ERBB4: variants seen among roughly 807,000 people sequenced by gnomAD.
The protein encoded by ERBB4 is erb-b2 receptor tyrosine kinase 4.
A neutral mutation model predicts 158.0 loss-of-function variants in ERBB4; 42 were observed. That is an observed-to-expected ratio of 0.27 (90% confidence interval 0.21 to 0.34). ERBB4 has a LOEUF of 0.34. Among genes scored for constraint, ERBB4 ranks in the 10% least tolerant of loss-of-function variants. The pLI, the probability that ERBB4 is intolerant of heterozygous loss-of-function variation, is 1.00. For missense variants in ERBB4, 1,333 were observed against 1,624.1 expected (o/e 0.82, Z 3.08); for synonymous variants, 583 against 558.7 (o/e 1.04, Z -0.61).
chr2:211,958,343 T>G (rs1196693255), intron 2 of ERBB4, among the ~76,000 whole-genome samples: 1 of 152,116 alleles, frequency 6.6e-6, no homozygotes, highest in Non-Finnish European at 1.5e-5. Flanking sequence ...GCCATGGACT[T>G]GTAGACAAGA....
intron 2 of ERBB4, among the ~76,000 whole-genome samples, chr2:211,948,815 C>T (rs2080785611): frequency 6.6e-6 from 1 of 152,056 alleles, no homozygotes; most frequent in South Asian, 2.1e-4. Flanking sequence ...CCTTGGTGAT[C>T]TTATTCAGTT....
chr2:211,479,678 A>G (rs888311581), intron 20 of ERBB4, among the ~76,000 whole-genome samples: 2 of 152,182 alleles, frequency 1.3e-5, no homozygotes, highest in Non-Finnish European at 2.9e-5. Context: ...CTTTTGGTGC[A>G]AAGCTTGGTT....
chr2:212,208,711 A>T (rs2082840685), intron 1 of ERBB4, among the ~76,000 whole-genome samples: 1 of 152,160 alleles, frequency 6.6e-6, no homozygotes, highest in Non-Finnish European at 1.5e-5. Context: ...GGCAAGGAGA[A>T]ACTGCCAAAG....
At chr2:211,619,039 T>A (rs2069494893) in intron 19 of ERBB4, 138 bp downstream of exon 19, 1 of 648,602 alleles carries the variant, frequency 1.5e-6, no homozygotes, top group East Asian at 2.7e-5. Flanking sequence ...GTCTTAGAAA[T>A]GTCTTTAATT....
At chr2:211,832,577 T>TATATATATATACACATAAAC (rs2077245897) in intron 3 of ERBB4, among the ~76,000 whole-genome samples, 1 of 151,026 alleles carries the variant, frequency 6.6e-6, no homozygotes, top group East Asian at 1.9e-4. Flanking sequence ...TATGTGTGTG[T>TATATATATATACACATAAAC]GTATATATAT....
intron 16 of ERBB4, among the ~76,000 whole-genome samples, chr2:211,657,000 A>G (rs1296905073): frequency 6.6e-6 from 1 of 152,146 alleles, no homozygotes; most frequent in African/African-American, 2.4e-5. Flanking sequence ...TGCACAAAAT[A>G]TTTTCTATAT....
chr2:211,411,988 G>T (rs929293521), intron 25 of ERBB4, among the ~76,000 whole-genome samples: 3 of 152,032 alleles, frequency 2.0e-5, no homozygotes, highest in South Asian at 4.1e-4. Flanking sequence ...ATTGGATCTC[G>T]ATTAGAGTAA....
intron 8 of ERBB4, among the ~76,000 whole-genome samples, chr2:211,712,512 T>C (rs1004420726): frequency 2.0e-5 from 3 of 152,138 alleles, no homozygotes; most frequent in Non-Finnish European, 4.4e-5. Flanking sequence ...AAATTATCTA[T>C]TTTCTACTTT....
At chr2:212,517,136 AAG>A (rs1324132580) in intron 1 of ERBB4, among the ~76,000 whole-genome samples, 2 of 152,132 alleles carry the variant, frequency 1.3e-5, no homozygotes. Flanking sequence ...TTCATTGAGA[AAG>A]AATTTAAAGG....
chr2:212,021,691 G>C (rs1210702856), intron 2 of ERBB4, among the ~76,000 whole-genome samples: 1 of 151,990 alleles, frequency 6.6e-6, no homozygotes, highest in Non-Finnish European at 1.5e-5. Context: ...ATCGCCAAAA[G>C]CAATTGAGAC....
chr2:212,451,518 A>G (rs1291759685), intron 1 of ERBB4, among the ~76,000 whole-genome samples: 2 of 152,206 alleles, frequency 1.3e-5, no homozygotes, highest in Non-Finnish European at 2.9e-5. Flanking sequence ...CAAATTATAT[A>G]GTCATCAGTA....
At chr2:212,340,377 G>A (rs892832343) in intron 1 of ERBB4, among the ~76,000 whole-genome samples, 25 of 152,210 alleles carry the variant, frequency 1.6e-4, no homozygotes, top group African/African-American at 4.8e-4. Flanking sequence ...CAGACACTGT[G>A]TACTTTATTT....
intron 12 of ERBB4, among the ~76,000 whole-genome samples, chr2:211,694,080 T>G (rs12992169): frequency 0.15 from 23,315 of 152,102 alleles, 2,147 homozygotes; most frequent in Non-Finnish European, 0.19. Flanking sequence ...CCTGCTCCAG[T>G]ATAAGCTCAT....
rs73069041 is a variant in ERBB4 at position 212,518,490 on chromosome 2, C to A, written c.82+19959G>T. Among the ~76,000 whole-genome samples the A allele has an allele frequency of 6.3e-3, 958 of 152,066 alleles. 8 individuals are homozygous for A. Among genetic ancestry groups the A allele is most frequent in the African/African-American group, 0.021 (883 of 41,520 alleles). On this transcript the variant is annotated intron_variant, in intron 1 of 27. Transcript: ENST00000342788. Reference sequence around the variant, plus strand: ...GTTATTAAATATCCTTCAACATTTGCATACTTGTAAAAACTATATAGCATA... The same window carrying A: ...GTTATTAAATATCCTTCAACATTTGAATACTTGTAAAAACTATATAGCATA...
chr2:211,657,015 TTTATG>T (rs1431649675), intron 16 of ERBB4, among the ~76,000 whole-genome samples: 1 of 152,160 alleles, frequency 6.6e-6, no homozygotes, highest in Non-Finnish European at 1.5e-5. Flanking sequence ...CTATATTGCC[TTTATG>T]TTAATTCTTA....
intron 3 of ERBB4, among the ~76,000 whole-genome samples, chr2:211,939,968 T>A (rs79357661): frequency 1.4e-3 from 151 of 111,466 alleles, no homozygotes; most frequent in Middle Eastern, 0.01. Flanking sequence ...AAAAAAAAAA[T>A]ATATATATAT....
chr2:211,715,970 T>C (rs1021476935), intron 7 of ERBB4, among the ~76,000 whole-genome samples: 5 of 152,220 alleles, frequency 3.3e-5, no homozygotes, highest in Non-Finnish European at 7.3e-5. Context: ...TTATATCAGT[T>C]AGATTCAAGT....
chr2:211,713,704 A>G lies in ERBB4; in HGVS notation c.884-56T>C, dbSNP rs1443770292. On this transcript the variant is annotated intron_variant, in intron 7 of 27. Coordinates refer to ENST00000342788, the MANE Select transcript of ERBB4 (RefSeq NM_005235.3). ...GCATTAATGTTAACATTCAGCAAAC[A>G]AGCTCAAAACAAGATATTTTAGGGT... The G allele has an allele frequency of 3.9e-6, 4 of 1,037,664 alleles. No homozygotes were observed. The East Asian group carries it at 7.2e-5, about 19-fold the overall frequency. The allele number at this position is 1,037,664 out of a possible 1,614,324, so 64.3% of individuals were successfully genotyped here.
chr2:212,284,426 C>T (rs1421879869), intron 1 of ERBB4, among the ~76,000 whole-genome samples: 3 of 152,048 alleles, frequency 2.0e-5, no homozygotes, highest in Non-Finnish European at 4.4e-5. Context: ...TTGTCTTTTA[C>T]CAGCCTAATT....
Sources: gnomAD v4.1 joint callset for allele counts (sites outside exome capture counted in the v4.1 genomes callset) on GRCh38, gnomAD v4.1.1 for gene constraint, MANE v1.5 for transcripts, NCBI Gene and HGNC (gene_info 2026-07-23, HGNC 2026-07-21) for gene names.